Variants in ABRAXAS1 observed in about 807,000 individuals in gnomAD.
ABRAXAS1 encodes abraxas 1, BRCA1 A complex subunit.
ABRAXAS1 carries 26 observed loss-of-function variants against 38.4 expected under a neutral mutation model. The ratio of observed to expected loss-of-function variants is 0.68; its 90% CI spans 0.50 to 0.94. ABRAXAS1 has a LOEUF of 0.94. Ranked by LOEUF, ABRAXAS1 falls within the 40% of genes least tolerant of loss-of-function variation. The pLI, the probability that ABRAXAS1 is intolerant of heterozygous loss-of-function variation, is 0.00. For missense variants in ABRAXAS1, 438 were observed against 481.9 expected (o/e 0.91, Z 0.85); for synonymous variants, 144 against 165.5 (o/e 0.87, Z 1.00).
At chr4:83,482,741 T>C (rs544437439) in intron 1 of ABRAXAS1, among the ~76,000 whole-genome samples, 12 of 151,780 alleles carry the variant, frequency 7.9e-5, no homozygotes, top group Admixed American at 2.0e-4. Context: ...GGAAAGAGAT[T>C]AGTCTAGCCT....
chr4:83,480,315 T>G (rs781361112), intron 2 of ABRAXAS1: 2 of 383,390 alleles, frequency 5.2e-6, no homozygotes, highest in South Asian at 3.8e-5. Context: ...GAGGTTGCAG[T>G]GAGCCGAGAT....
intron 2 of ABRAXAS1, chr4:83,477,698 T>C (rs1463562875): frequency 1.7e-6 from 1 of 602,884 alleles, no homozygotes; most frequent in South Asian, 1.4e-5. Context: ...AGAAACAAAA[T>C]ATAGACGGAT....
rs77408148 is a variant in ABRAXAS1 at position 83,484,019 on chromosome 4, C to T, written c.87+967G>A. The T allele has an allele frequency of 6.4e-3, 6,270 of 982,746 alleles. 303 individuals carry two copies. The African/African-American group carries it at 0.1, about 16-fold the overall frequency. The allele number at this position is 982,746 out of a possible 1,614,324, so 60.9% of individuals were successfully genotyped here. Reference sequence around the variant, plus strand: ...ATTCCAACCTTTATTAGGATTGTGCCAAAGAGCAATTTTGTAATGTTTAGA... The same window carrying T: ...ATTCCAACCTTTATTAGGATTGTGCTAAAGAGCAATTTTGTAATGTTTAGA... On this transcript the variant is annotated intron_variant, in intron 1 of 8. Transcript: ENST00000321945.
At position 83,459,661 on chromosome 4, in the gene ABRAXAS1, G is replaced by A; in HGVS notation, c.*2808C>T. ...TTAGTAAAGCTTTATATAACCTGAA[G>A]GTTGTTTTTTGAAATTTACACATTC... On this transcript the variant is annotated 3_prime_UTR_variant, in exon 9 of 9. Coordinates refer to ENST00000321945, the MANE Select transcript of ABRAXAS1 (RefSeq NM_139076.3). 5 of 1,259,918 alleles carry A rather than the reference G, an allele frequency of 4.0e-6. No individual in the cohort carries two copies. Among genetic ancestry groups the A allele is most frequent in the South Asian group, 3.9e-5 (3 of 77,376 alleles). 78.0% of individuals were successfully genotyped at this position (1,259,918 alleles called of 1,614,324 possible).
chr4:83,461,587 C>A lies in ABRAXAS1; in HGVS notation c.*882G>T. The stretch of plus-strand genomic sequence containing the variant: ...GGATAGTGGTGCTGTCACAGAAGGA[C>A]AAAATATTCCTAGACGAGTCTACCC... On this transcript the variant is annotated 3_prime_UTR_variant, in exon 9 of 9. Coordinates refer to ENST00000321945, the MANE Select transcript of ABRAXAS1 (RefSeq NM_139076.3). The A allele has an allele frequency of 6.9e-6, 2 of 290,520 alleles. No homozygotes were observed. Among genetic ancestry groups the A allele is most frequent in the Admixed American group, 4.5e-5 (1 of 22,014 alleles). 18.0% of individuals were successfully genotyped at this position (290,520 alleles called of 1,614,324 possible). A position where few individuals can be genotyped will look rare whatever the true frequency, so the allele number is the denominator to read the frequency against.
At chr4:83,464,874 C>G (rs1245468406) in intron 7 of ABRAXAS1, among the ~76,000 whole-genome samples, 1 of 152,194 alleles carries the variant, frequency 6.6e-6, no homozygotes, top group East Asian at 1.9e-4. Flanking sequence ...CATTCTAGCT[C>G]CTGGTTCCAA....
intron 2 of ABRAXAS1, among the ~76,000 whole-genome samples, chr4:83,480,901 C>T (rs189607873): frequency 2.6e-5 from 4 of 152,052 alleles, no homozygotes; most frequent in East Asian, 1.9e-4. Flanking sequence ...AAGACCGAGG[C>T]GAGTGGATCA....
chr4:83,469,240 G>A, intron 5 of ABRAXAS1, 89 bp from the exon 6 acceptor site: 2 of 1,177,980 alleles, frequency 1.7e-6, no homozygotes, highest in Non-Finnish European at 2.4e-6. Context: ...TCCCCTACAA[G>A]ATTTAAAAAA....
Position 83,462,112 on chromosome 4 carries a change from C to CT in ABRAXAS1, c.*356dup, listed in dbSNP as rs1329194329. On this transcript the variant is annotated 3_prime_UTR_variant, in exon 9 of 9. Transcript: ENST00000321945. ...CTCAATACGTTGCCCAGGCTGGTCT[C>CT]TAACTCCTAACTTCAATCAATCCTC... 8.1e-6 allele frequency: 2 copies of CT among 248,266 alleles called. No homozygotes were observed. The highest frequency in any genetic ancestry group is 2.2e-5 in the African/African-American group (1 of 45,696). The allele number at this position is 248,266 out of a possible 1,614,324, so 15.4% of individuals were successfully genotyped here.
chr4:83,466,520 C>G (rs1290207564), intron 7 of ABRAXAS1, among the ~76,000 whole-genome samples: 1 of 150,962 alleles, frequency 6.6e-6, no homozygotes, highest in Non-Finnish European at 1.5e-5. Context: ...GTTTTAAGAG[C>G]TGTTGTGAAT....
intron 4 of ABRAXAS1, among the ~76,000 whole-genome samples, chr4:83,471,223 TG>T (rs1560575208): frequency 1.2e-4 from 11 of 93,686 alleles, no homozygotes; most frequent in African/African-American, 5.3e-4. Flanking sequence ...TTTTTTTTTT[TG>T]AGACAGTCTG....
intron 3 of ABRAXAS1, among the ~76,000 whole-genome samples, chr4:83,474,162 A>C (rs1049862934): frequency 6.6e-6 from 1 of 151,082 alleles, no homozygotes; most frequent in African/African-American, 2.4e-5. Flanking sequence ...TAAATAAATA[A>C]ATAAATAAAT....
In ABRAXAS1 at chr4:83,462,728, G is replaced by T. The variant is rs1300187794; in HGVS notation, c.971C>A (p.Thr324Asn). The change falls in exon 9 of 9, where the codon ACC becomes AAC. Residue 324 changes from threonine (T) to asparagine (N), a missense_variant. Physicochemically the swap from Thr to Asn is moderately conservative, Grantham distance 65. Around this residue, in one of 3 missense-constraint regions of ABRAXAS1, gnomAD observed 184 missense variants for 181.9 expected, o/e 1.01. Transcript: ENST00000321945. ...NHHLDVVDNL[T>N]LMVEHTDIPE... ...AATGTCAGTGTGTTCTACCATTAAG[G>T]TCAGATTGTCTACTACATCGAGATG... The T allele has an allele frequency of 3.7e-6, 6 of 1,613,802 alleles. No homozygotes were observed. The highest frequency in any genetic ancestry group is 5.1e-6 in the Non-Finnish European group (6 of 1,179,994).
chr4:83,479,491 C>A (rs1409289380), intron 2 of ABRAXAS1: 1 of 151,242 alleles, frequency 6.6e-6, no homozygotes, highest in Admixed American at 6.6e-5. Context: ...TTCCAAAAGG[C>A]AATCAGCTAG....
At chr4:83,483,700 G>C (rs1307723161) in intron 1 of ABRAXAS1, among the ~76,000 whole-genome samples, 2 of 151,634 alleles carry the variant, frequency 1.3e-5, no homozygotes, top group African/African-American at 4.8e-5. Context: ...ATACTCAAAA[G>C]ACGAACTCAG....
chr4:83,480,804 G>C (rs1722974388), intron 2 of ABRAXAS1, among the ~76,000 whole-genome samples: 1 of 152,102 alleles, frequency 6.6e-6, no homozygotes, highest in Non-Finnish European at 1.5e-5. Context: ...ATCACAGTAA[G>C]GCCACAGGGT....
At chr4:83,475,155 G>A (rs936564867) in intron 3 of ABRAXAS1, among the ~76,000 whole-genome samples, 1 of 152,084 alleles carries the variant, frequency 6.6e-6, no homozygotes, top group African/African-American at 2.4e-5. Context: ...ACTTTTTGCT[G>A]TTCCTTTAAA....
chr4:83,478,049 G>A (rs1722848138), intron 2 of ABRAXAS1: 1 of 983,416 alleles, frequency 1.0e-6, no homozygotes, highest in Non-Finnish European at 1.6e-6. Context: ...GAGGAGTGTG[G>A]TTCCAACTGC....
At position 83,461,138 on chromosome 4, in the gene ABRAXAS1, T is replaced by C; in HGVS notation, c.*1331A>G. 2.5e-6 allele frequency: 4 copies of C among 1,613,634 alleles called. No individual in the cohort carries two copies. The highest frequency in any genetic ancestry group is 3.4e-6 in the Non-Finnish European group (4 of 1,179,858). On this transcript the variant is annotated 3_prime_UTR_variant, in exon 9 of 9. Transcript: ENST00000321945. Reference sequence around the variant, plus strand: ...CTTTACAGGGTTTATGCCAGTTACATACAAGGATCCTGCATATCTCAAGGA... The same window carrying C: ...CTTTACAGGGTTTATGCCAGTTACACACAAGGATCCTGCATATCTCAAGGA...
Sources: gnomAD v4.1 joint callset for allele counts (sites outside exome capture counted in the v4.1 genomes callset) on GRCh38, gnomAD v4.1.1 for gene constraint, gnomAD v4.1.1 regional missense constraint, MANE v1.5 for transcripts, NCBI Gene and HGNC (gene_info 2026-07-23, HGNC 2026-07-21) for gene names.